The following ST3GAL4 variants were observed in gnomAD, a reference collection of about 807,000 sequenced individuals.
The protein encoded by ST3GAL4 is ST3 beta-galactoside alpha-2,3-sialyltransferase 4, also known as CMP-N-acetylneuraminate-beta-galactosamide-alpha-2,3-sialyltransferase 4.
ST3GAL4 carries 24 observed loss-of-function variants against 42.6 expected under a neutral mutation model. The observed-to-expected ratio is 0.56, with a 90% CI of 0.41 to 0.79. ST3GAL4 has a LOEUF of 0.79. Among genes scored for constraint, ST3GAL4 ranks in the 30% least tolerant of loss-of-function variants. The pLI, the probability that ST3GAL4 is intolerant of heterozygous loss-of-function variation, is 0.00. For missense variants in ST3GAL4, 311 were observed against 430.8 expected, an observed-to-expected ratio of 0.72 and a Z score of 2.46; for synonymous variants, 135 against 163.2, an observed-to-expected ratio of 0.83 and a Z score of 1.32.
At chr11:126,413,360 C>G in intron 9 of ST3GAL4, 145 bp from the exon 10 acceptor site, 1 of 939,504 alleles carries the variant, frequency 1.1e-6, no homozygotes, top group Admixed American at 3.0e-5. Context: ...CATTTGCGTG[C>G]TCGTTAGCTC....
At position 126,386,153 on chromosome 11, in the gene ST3GAL4, A is replaced by C. The variant is rs1264618801; in HGVS notation, c.-60-19943A>C. ...CTCCGGTTTATAGCCGGCTCCTCAG[A>C]GACATGGTTCTATCCCCCCAGTGGC... On this transcript the variant is annotated intron_variant, in intron 1 of 10. Coordinates refer to ENST00000444328, the MANE Select transcript of ST3GAL4 (RefSeq NM_001254757.2). The surrounding 1 kb of genome is among the most constrained non-coding windows in gnomAD (Gnocchi z 4.7). Among the ~76,000 whole-genome samples, 15 of 151,996 alleles carry C rather than the reference A, an allele frequency of 9.9e-5. No homozygotes were observed. The highest frequency in any genetic ancestry group is 3.6e-4 in the African/African-American group (15 of 41,370).
intron 1 of ST3GAL4, among the ~76,000 whole-genome samples, chr11:126,357,493 A>G (rs1952111219): frequency 6.6e-6 from 1 of 152,146 alleles, no homozygotes; most frequent in Non-Finnish European, 1.5e-5. Context: ...CTGGCGGCCC[A>G]GGCTGAGGTG....
intron 1 of ST3GAL4, among the ~76,000 whole-genome samples, chr11:126,390,175 C>T (rs1227402433): frequency 1.3e-5 from 2 of 150,848 alleles, no homozygotes; most frequent in African/African-American, 2.4e-5. Flanking sequence ...GAGCAAGACT[C>T]TGTCTCAAAA....
rs12224231 is a variant in ST3GAL4 at position 126,404,310 on chromosome 11, T to G, written c.-60-1786T>G. ...CTTCTCAGTTTGACAGCAAGGAAAC[T>G]GCAGGTCAGAGAGGGAGGTGTGATC... On this transcript the variant is annotated intron_variant, in intron 1 of 10. Transcript: ENST00000444328. 2.0e-3 allele frequency among the ~76,000 whole-genome samples: 304 copies of G among 152,314 alleles called. 7 individuals are homozygous for G. The East Asian group carries it at 0.049, about 25-fold the overall frequency.
chr11:126,409,263 C>G lies in ST3GAL4; in HGVS notation c.628-5C>G. The G allele has an allele frequency of 6.2e-7, 1 of 1,614,150 alleles. No individual in the cohort carries two copies. The highest frequency in any genetic ancestry group is 8.5e-7 in the Non-Finnish European group (1 of 1,179,964). ...TGTCTCTCTCTTCTGACCCCATCCTCCTAGGTGCGAAAGGGTTTCTGGAAA... is the reference window on the plus strand; with the variant it reads ...TGTCTCTCTCTTCTGACCCCATCCTGCTAGGTGCGAAAGGGTTTCTGGAAA... On this transcript the variant is annotated splice_region_variant and splice_polypyrimidine_tract_variant and intron_variant, in intron 8 of 10. Coordinates refer to ENST00000444328, the MANE Select transcript of ST3GAL4 (RefSeq NM_001254757.2). The surrounding 1 kb of genome is among the most constrained non-coding windows in gnomAD (Gnocchi z 4.9).
rs1167856516 is a variant in ST3GAL4 at position 126,409,676 on chromosome 11, G to C, written c.771+265G>C. ...TGGTGTGAGAGGATGGTTTTGGCAG[G>C]CGCTGGTCAGAATTTGTCAACTGGG... On this transcript the variant is annotated intron_variant, in intron 9 of 10. Coordinates refer to ENST00000444328, the MANE Select transcript of ST3GAL4 (RefSeq NM_001254757.2). This position sits in a 1 kb window ranked among gnomAD's most constrained non-coding sequence, Gnocchi z 4.9. Among the ~76,000 whole-genome samples, 3 of 152,170 alleles carry C rather than the reference G, an allele frequency of 2.0e-5. No individual in the cohort carries two copies. In the East Asian group the frequency reaches 5.8e-4, roughly 29 times the overall value.
intron 1 of ST3GAL4, among the ~76,000 whole-genome samples, chr11:126,399,934 C>T (rs967028761): frequency 1.3e-5 from 2 of 152,072 alleles, no homozygotes; most frequent in African/African-American, 4.8e-5. Context: ...ACCACTTAGT[C>T]TAAGAAGTTT....
rs1175536832 is a variant in ST3GAL4, at chr11:126,366,223, G to T, written c.-61+10381G>T. On this transcript the variant is annotated intron_variant, in intron 1 of 10. Transcript: ENST00000444328. This position sits in a 1 kb window ranked among gnomAD's most constrained non-coding sequence, Gnocchi z 4.2. ...GGGGTGGGAGGAACCCAGTGGGCCT[G>T]GGGGAGGTAAAGCAGCAGCAGCTGC... Among the ~76,000 whole-genome samples, 1 of 152,174 alleles carries T rather than the reference G, an allele frequency of 6.6e-6. No homozygotes were observed. The highest frequency in any genetic ancestry group is 1.9e-4 in the East Asian group (1 of 5,184).
intron 1 of ST3GAL4, among the ~76,000 whole-genome samples, chr11:126,395,157 C>T (rs1591469111): frequency 6.6e-6 from 1 of 152,202 alleles, no homozygotes; most frequent in South Asian, 2.1e-4. Context: ...GCCTCTTCCA[C>T]TCTGTTCCAC....
intron 1 of ST3GAL4, among the ~76,000 whole-genome samples, chr11:126,371,751 G>T (rs962037915): frequency 6.6e-6 from 1 of 152,192 alleles, no homozygotes; most frequent in Non-Finnish European, 1.5e-5. Context: ...CTTGAATGGG[G>T]TGTCCCGTAC....
intron 1 of ST3GAL4, among the ~76,000 whole-genome samples, chr11:126,381,298 C>G (rs1384406103): frequency 6.6e-6 from 1 of 152,168 alleles, no homozygotes; most frequent in African/African-American, 2.4e-5. Context: ...GTAGGGGTTC[C>G]CTGCCTGGAG....
Position 126,406,613 on chromosome 11 carries a change from A to G in ST3GAL4, c.101+56A>G, listed in dbSNP as rs1210561325. 1.7e-5 allele frequency: 27 copies of G among 1,581,984 alleles called. No homozygotes were observed. The highest frequency in any genetic ancestry group is 2.3e-5 in the Non-Finnish European group (27 of 1,159,846). On this transcript the variant is annotated intron_variant, in intron 3 of 10. Transcript: ENST00000444328. This position sits in a 1 kb window ranked among gnomAD's most constrained non-coding sequence, Gnocchi z 5.4. Reference sequence around the variant, plus strand: ...CTCTTGTCAGGGACAGGGCTTAGGGATGGAGCATCATGGAGCGGGGGACCT... The same window carrying G: ...CTCTTGTCAGGGACAGGGCTTAGGGGTGGAGCATCATGGAGCGGGGGACCT...
At chr11:126,387,661 A>G (rs1240805055) in intron 1 of ST3GAL4, among the ~76,000 whole-genome samples, 1 of 150,386 alleles carries the variant, frequency 6.6e-6, no homozygotes, top group East Asian at 2.0e-4. Context: ...GCTACAGAGC[A>G]AGACTCTGTC....
intron 1 of ST3GAL4, among the ~76,000 whole-genome samples, chr11:126,361,412 C>G (rs958229707): frequency 2.6e-5 from 4 of 151,638 alleles, no homozygotes; most frequent in African/African-American, 4.9e-5. Context: ...GTTGTGACCC[C>G]CCTGTGGTTC....
At position 126,382,014 on chromosome 11, in the gene ST3GAL4, C is replaced by G. The variant is rs917345475; in HGVS notation, c.-60-24082C>G. On this transcript the variant is annotated intron_variant, in intron 1 of 10. Transcript: ENST00000444328. ...CCAGGGATGCAGCTCTGGCCTTGGC[C>G]CACCCCCATCAGAGGGCCTGTGGCC... Among the ~76,000 whole-genome samples the G allele has an allele frequency of 1.1e-4, 16 of 152,074 alleles. 1 individual carries two copies. The highest frequency in any genetic ancestry group is 3.9e-4 in the African/African-American group (16 of 41,404).
chr11:126,378,056 AG>A lies in ST3GAL4; in HGVS notation c.-61+22218del, dbSNP rs1952884321. Among the ~76,000 whole-genome samples the A allele has an allele frequency of 6.6e-6, 1 of 152,134 alleles. No homozygotes were observed. The highest frequency in any genetic ancestry group is 2.1e-4 in the South Asian group (1 of 4,830). ...TGGGATATTATGATTCTCTTTTGTG[AG>A]GGGTCACTTTATGTACAAATGACTC... On this transcript the variant is annotated intron_variant, in intron 1 of 10. Transcript: ENST00000444328. The surrounding 1 kb of genome is among the most constrained non-coding windows in gnomAD (Gnocchi z 5.3).
chr11:126,395,636 A>G (rs574827899), intron 1 of ST3GAL4, among the ~76,000 whole-genome samples: 3 of 152,112 alleles, frequency 2.0e-5, no homozygotes, highest in South Asian at 4.2e-4. Context: ...TTCTCCCCCA[A>G]GTTGTTCTCC....
chr11:126,365,641 C>T (rs1449143395), intron 1 of ST3GAL4, among the ~76,000 whole-genome samples: 1 of 152,238 alleles, frequency 6.6e-6, no homozygotes, highest in Admixed American at 6.5e-5. Flanking sequence ...CATCACCCTC[C>T]CAGTTATGGG....
intron 9 of ST3GAL4, among the ~76,000 whole-genome samples, chr11:126,412,591 C>G (rs1954578788): frequency 6.6e-6 from 1 of 152,186 alleles, no homozygotes. Context: ...CCTGTAATCC[C>G]AGCGCTTTGG....
Sources: allele counts gnomAD v4.1 joint callset (sites outside exome capture counted in the v4.1 genomes callset), GRCh38; gene constraint gnomAD v4.1.1; non-coding constraint Gnocchi (gnomAD v3.1); transcripts MANE v1.5; gene names NCBI Gene and HGNC (gene_info 2026-07-23, HGNC 2026-07-21).